The following VPS13D variants were observed in gnomAD, a reference collection of about 807,000 sequenced individuals.
VPS13D encodes the protein vacuolar protein sorting 13 homolog D.
In VPS13D, 187 loss-of-function variants were observed where a neutral mutation model predicts 461.9. That is an observed-to-expected ratio of 0.40 (90% CI 0.36 to 0.46). The LOEUF is 0.46. VPS13D is among the 20% of genes least tolerant of loss of function. The pLI is 0.60. For synonymous variants in VPS13D, 1,951 were observed against 1,986.3 expected, an observed-to-expected ratio of 0.98 and a Z score of 0.47; for missense variants, 4,711 against 5,364.9, an observed-to-expected ratio of 0.88 and a Z score of 3.81.
intron 59 of VPS13D, 147 bp from the exon 60 acceptor site, chr1:12,386,038 G>A: frequency 1.2e-6 from 1 of 859,554 alleles, no homozygotes; most frequent in Non-Finnish European, 1.7e-6. Flanking sequence ...AGCCCTCCAG[G>A]TAAATAATAG....
chr1:12,401,899 G>C (rs191253814), intron 62 of VPS13D, among the ~76,000 whole-genome samples, 195 bp downstream of exon 62: 28 of 152,300 alleles, frequency 1.8e-4, no homozygotes, highest in Admixed American at 1.7e-3. Context: ...TTATCTCTGT[G>C]AACTAAAGGA....
At chr1:12,341,735 T>G in intron 40 of VPS13D, 45 bp from the exon 41 acceptor site, 1 of 1,576,994 alleles carries the variant, frequency 6.3e-7, no homozygotes, top group Non-Finnish European at 8.7e-7. Context: ...GTCTCTGCCA[T>G]GCAGATAGGG....
chr1:12,501,111 A>G (rs1646029418), intron 68 of VPS13D, among the ~76,000 whole-genome samples: 1 of 152,030 alleles, frequency 6.6e-6, no homozygotes, highest in Non-Finnish European at 1.5e-5. Context: ...AAATAAAATC[A>G]AGAGTAAAAG....
At chr1:12,380,264 A>G (rs909186907) in intron 57 of VPS13D, among the ~76,000 whole-genome samples, 1 of 152,372 alleles carries the variant, frequency 6.6e-6, no homozygotes, top group Admixed American at 6.5e-5. Flanking sequence ...AAAATTACCT[A>G]TGTAATTTTA....
chr1:12,244,166 C>A, intron 3 of VPS13D, 80 bp from the exon 4 acceptor site: 1 of 1,461,736 alleles, frequency 6.8e-7, no homozygotes. Flanking sequence ...GCTCCTTAAA[C>A]AAAATTGTAA....
intron 65 of VPS13D, among the ~76,000 whole-genome samples, chr1:12,425,942 T>C (rs1282398209): frequency 2.6e-5 from 4 of 152,228 alleles, no homozygotes; most frequent in Non-Finnish European, 4.4e-5. Context: ...CCATGAGCCG[T>C]TGGAAACAAC....
intron 64 of VPS13D, among the ~76,000 whole-genome samples, chr1:12,416,115 C>T (rs1245054315): frequency 1.3e-5 from 2 of 152,172 alleles, no homozygotes; most frequent in African/African-American, 2.4e-5. Flanking sequence ...CCCAGGAGGT[C>T]AAGGCTGCAG....
At chr1:12,417,222 C>T (rs892254605) in intron 65 of VPS13D, among the ~76,000 whole-genome samples, 8 of 152,164 alleles carry the variant, frequency 5.3e-5, no homozygotes, top group Non-Finnish European at 1.2e-4. Context: ...AGGGAAAGTC[C>T]AAGCTGAAGT....
At chr1:12,310,980 G>A (rs1486689511) in intron 27 of VPS13D, among the ~76,000 whole-genome samples, 4 of 149,774 alleles carry the variant, frequency 2.7e-5, no homozygotes, top group African/African-American at 4.9e-5. Context: ...ACAGTGGCAC[G>A]ATCACAGCTT....
At chr1:12,482,247 CTTTACTCTTGAG>C (rs1354245091) in intron 67 of VPS13D, among the ~76,000 whole-genome samples, 1 of 152,172 alleles carries the variant, frequency 6.6e-6, no homozygotes, top group Non-Finnish European at 1.5e-5. Flanking sequence ...ACTGATGGCC[CTTTACTCTTGAG>C]AAACTCCACC....
intron 68 of VPS13D, chr1:12,499,533 A>T: frequency 2.0e-6 from 2 of 985,468 alleles, no homozygotes; most frequent in South Asian, 9.4e-5. Flanking sequence ...AGATACACAC[A>T]TTGAAAAACA....
intron 67 of VPS13D, among the ~76,000 whole-genome samples, chr1:12,477,311 G>A (rs1489446975): frequency 9.9e-5 from 15 of 151,948 alleles, no homozygotes; most frequent in Non-Finnish European, 1.5e-4. Context: ...TTGGGCCTTC[G>A]TTAGAAGAGT....
At chr1:12,501,652 A>G (rs774799064) in intron 68 of VPS13D, among the ~76,000 whole-genome samples, 1 of 152,318 alleles carries the variant, frequency 6.6e-6, no homozygotes, top group Non-Finnish European at 1.5e-5. Flanking sequence ...GAATCCTACT[A>G]TGTGCCAGGG....
At position 12,473,492 on chromosome 1, in the gene VPS13D, G is replaced by A. The variant is rs1645589604; in HGVS notation, c.12662+13096G>A. Among the ~76,000 whole-genome samples, 1 of 152,158 alleles carries A rather than the reference G, an allele frequency of 6.6e-6. No homozygotes were observed. Among genetic ancestry groups the A allele is most frequent in the South Asian group, 2.1e-4 (1 of 4,822 alleles). The stretch of plus-strand genomic sequence containing the variant: ...AGTCATTGGGCTGCTGCTTGGCTGT[G>A]ACCTGGAACAAGTTTTTCCCCTCTT... On this transcript the variant is annotated intron_variant, in intron 67 of 69. Transcript: ENST00000620676. The surrounding 1 kb of genome is among the most constrained non-coding windows in gnomAD (Gnocchi z 4.2).
At chr1:12,329,376 G>C (rs1467449767) in intron 36 of VPS13D, among the ~76,000 whole-genome samples, 1 of 152,030 alleles carries the variant, frequency 6.6e-6, no homozygotes, top group Non-Finnish European at 1.5e-5. Flanking sequence ...ACCACGCCCA[G>C]CCAGTTTTTG....
chr1:12,470,704 C>G (rs569834195), intron 67 of VPS13D, among the ~76,000 whole-genome samples: 1 of 152,284 alleles, frequency 6.6e-6, no homozygotes, highest in Non-Finnish European at 1.5e-5. Context: ...TATTCTTAAG[C>G]CACTCTTACG....
intron 36 of VPS13D, among the ~76,000 whole-genome samples, chr1:12,329,361 C>T (rs1031293452): frequency 6.6e-6 from 1 of 152,058 alleles, no homozygotes; most frequent in Non-Finnish European, 1.5e-5. Context: ...TTACAGGCGC[C>T]CGCTACCACG....
intron 67 of VPS13D, chr1:12,497,244 A>G (rs146523712): frequency 8.1e-5 from 21 of 260,782 alleles, no homozygotes; most frequent in Non-Finnish European, 1.4e-4. Flanking sequence ...GAGAAAACGG[A>G]AACTGAGGGT....
chr1:12,341,795 C>T lies in VPS13D; in HGVS notation c.8642C>T (p.Pro2881Leu), dbSNP rs1264068104. The change falls in exon 41 of 70, where the codon CCC becomes CTC. Residue 2881 changes from proline to leucine, a missense_variant. Pro to Leu is a moderately conservative substitution (Grantham distance 98, BLOSUM62 -3). Transcript: ENST00000620676. ...QIYARAEVKT[P>L]KRRQPFVPFA... is the part of the protein sequence containing the mutation. Reference sequence around the variant, plus strand: ...TTTGTCGTAGCAGAGGTGAAAACCCCCAAGCGCCGGCAGCCATTTGTCCCC... The same window carrying T: ...TTTGTCGTAGCAGAGGTGAAAACCCTCAAGCGCCGGCAGCCATTTGTCCCC... 27 of 1,613,906 alleles carry T rather than the reference C, an allele frequency of 1.7e-5. No homozygotes were observed. Among genetic ancestry groups the T allele is most frequent in the Non-Finnish European group, 2.3e-5 (27 of 1,179,934 alleles).
Sources: allele counts gnomAD v4.1 joint callset (sites outside exome capture counted in the v4.1 genomes callset), GRCh38; gene constraint gnomAD v4.1.1; non-coding constraint Gnocchi (gnomAD v3.1); transcripts MANE v1.5; gene names NCBI Gene and HGNC (gene_info 2026-07-23, HGNC 2026-07-21).